The following GRM5 variants were observed in gnomAD, a reference collection of about 807,000 sequenced individuals.
GRM5 encodes the protein glutamate metabotropic receptor 5, also known as metabotropic glutamate receptor 5.
In GRM5, 19 loss-of-function variants were observed where a neutral mutation model predicts 83.1. That is an observed-to-expected ratio of 0.23 (90% CI 0.16 to 0.34). The LOEUF (loss-of-function observed/expected upper bound fraction) is 0.34, where lower values mean the gene tolerates loss of function less well. GRM5 is among the 10% of genes least tolerant of loss of function. GRM5 has a pLI of 1.00. For missense variants in GRM5, 1,160 were observed against 1,588.3 expected, an observed-to-expected ratio of 0.73 and a Z score of 4.58; for synonymous variants, 675 against 633.6, an observed-to-expected ratio of 1.07 and a Z score of -0.98.
intron 4 of GRM5, among the ~76,000 whole-genome samples, chr11:88,642,072 G>GA (rs1289788143): frequency 6.6e-6 from 1 of 152,122 alleles, no homozygotes; most frequent in Non-Finnish European, 1.5e-5. Flanking sequence ...TGGGCACCCA[G>GA]TTTGTCTCAT....
At chr11:88,593,770 C>CCCTCCT (rs1565352454) in intron 6 of GRM5, among the ~76,000 whole-genome samples, 5 of 93,972 alleles carry the variant, frequency 5.3e-5, no homozygotes, top group Non-Finnish European at 5.7e-5. Context: ...CCTTCTCTCT[C>CCCTCCT]TCTCTCTCTC....
At chr11:88,774,928 A>C (rs1330970202) in intron 3 of GRM5, among the ~76,000 whole-genome samples, 5 of 152,198 alleles carry the variant, frequency 3.3e-5, no homozygotes, top group Admixed American at 1.3e-4. Flanking sequence ...TGTCTCTGCC[A>C]GGCTTTGGTA....
chr11:88,644,107 C>T (rs189549503), intron 4 of GRM5, among the ~76,000 whole-genome samples: 5 of 152,264 alleles, frequency 3.3e-5, no homozygotes, highest in Admixed American at 3.3e-4. Flanking sequence ...TTAGTAAGCA[C>T]ATAATGGCCG....
intron 8 of GRM5, 124 bp from the exon 9 acceptor site, chr11:88,525,528 C>T (rs1941851782): frequency 1.5e-6 from 1 of 663,298 alleles, no homozygotes; most frequent in East Asian, 2.5e-5. Flanking sequence ...GTTCCTGCTT[C>T]TCAATGCAAT....
At chr11:88,543,736 AT>A (rs1013190226) in intron 8 of GRM5, among the ~76,000 whole-genome samples, 1 of 147,324 alleles carries the variant, frequency 6.8e-6, no homozygotes, top group Non-Finnish European at 1.5e-5. Flanking sequence ...TACTAACATT[AT>A]TTTTTATGAG....
intron 3 of GRM5, among the ~76,000 whole-genome samples, chr11:88,767,884 TGAGA>T (rs1942653797): frequency 6.6e-6 from 1 of 151,898 alleles, no homozygotes; most frequent in East Asian, 1.9e-4. Context: ...ATCAAAACTA[TGAGA>T]TACCACCTTA....
intron 2 of GRM5, among the ~76,000 whole-genome samples, chr11:89,014,453 T>TG (rs1940797490): frequency 6.6e-6 from 1 of 151,052 alleles, no homozygotes; most frequent in African/African-American, 2.5e-5. Context: ...AAGATAGGGC[T>TG]GTTTTTTTTG....
chr11:88,846,070 T>G (rs777632664), intron 3 of GRM5, among the ~76,000 whole-genome samples: 11 of 152,332 alleles, frequency 7.2e-5, no homozygotes, highest in Non-Finnish European at 8.8e-5. Flanking sequence ...CAAGTACTTT[T>G]GAAATTTAAG....
intron 4 of GRM5, among the ~76,000 whole-genome samples, chr11:88,640,912 A>G (rs536187939): frequency 2.6e-4 from 40 of 152,268 alleles, no homozygotes; most frequent in African/African-American, 9.1e-4. Flanking sequence ...TTAATTAGAC[A>G]TGACTGACAA....
intron 2 of GRM5, among the ~76,000 whole-genome samples, chr11:88,967,293 T>C (rs1312913353): frequency 1.4e-5 from 2 of 148,078 alleles, no homozygotes; most frequent in Non-Finnish European, 3.0e-5. Context: ...TTCTGAAGAG[T>C]ATTTCATCTA....
intron 2 of GRM5, among the ~76,000 whole-genome samples, chr11:88,986,937 C>G (rs977691132): frequency 1.3e-5 from 2 of 151,934 alleles, no homozygotes; most frequent in Non-Finnish European, 2.9e-5. Flanking sequence ...CCTGTAATCC[C>G]ATCACTTTGG....
At chr11:88,573,142 A>G (rs936712449) in intron 7 of GRM5, among the ~76,000 whole-genome samples, 2 of 152,152 alleles carry the variant, frequency 1.3e-5, no homozygotes, top group Non-Finnish European at 2.9e-5. Context: ...TGTATAATCC[A>G]TCTTTTCAAA....
At chr11:89,054,319 T>G (rs999268430) in intron 1 of GRM5, among the ~76,000 whole-genome samples, 1 of 152,110 alleles carries the variant, frequency 6.6e-6, no homozygotes, top group Non-Finnish European at 1.5e-5. Flanking sequence ...GACGCCAAGA[T>G]TTTCAGCCCG....
intron 8 of GRM5, among the ~76,000 whole-genome samples, chr11:88,559,257 C>A (rs1942702140): frequency 6.6e-6 from 1 of 152,058 alleles, no homozygotes. Flanking sequence ...ATGCAGGGAG[C>A]AGTTTTCAAG....
chr11:89,021,498 G>T (rs564107539), intron 2 of GRM5, among the ~76,000 whole-genome samples: 48 of 152,262 alleles, frequency 3.2e-4, no homozygotes, highest in African/African-American at 1.2e-3. Context: ...ATGTAAGGTT[G>T]CAGTATTCAT....
At chr11:88,584,359 T>C (rs570539961) in intron 7 of GRM5, among the ~76,000 whole-genome samples, 5 of 152,284 alleles carry the variant, frequency 3.3e-5, no homozygotes, top group African/African-American at 1.2e-4. Flanking sequence ...ATACAATATC[T>C]ACTCTTCACA....
At chr11:88,886,773 T>A (rs1402745151) in intron 2 of GRM5, among the ~76,000 whole-genome samples, 1 of 152,204 alleles carries the variant, frequency 6.6e-6, no homozygotes, top group East Asian at 1.9e-4. Context: ...GATCATCATA[T>A]CTATTTCATC....
chr11:88,821,475 C>A (rs1281385028), intron 3 of GRM5, among the ~76,000 whole-genome samples: 1 of 151,996 alleles, frequency 6.6e-6, no homozygotes, highest in African/African-American at 2.4e-5. Context: ...TTCGATGTCA[C>A]CTTCCTCCAT....
Position 88,509,392 on chromosome 11 carries a change from C to T in GRM5, c.2839G>A (p.Ala947Thr). 1 of 1,612,766 alleles carries T rather than the reference C, an allele frequency of 6.2e-7. No individual in the cohort carries two copies. Among genetic ancestry groups the T allele is most frequent in the Non-Finnish European group, 8.5e-7 (1 of 1,179,916 alleles). ...CTCTTGGGGAAGGGCTTGATGACGG[C>T]CGTTTGGTTGGGGTTTTCTTTCTTG... Reference protein sequence around the residue: ...INKKENPNQTAVIKPFPKSTE... With the variant: ...INKKENPNQTTVIKPFPKSTE... The change falls in exon 10 of 10, where the codon GCC becomes ACC. Residue 947 changes from alanine to threonine, a missense_variant. Physicochemically the swap from Ala to Thr is moderately conservative, Grantham distance 58. Coordinates refer to ENST00000305447, the MANE Select transcript of GRM5 (RefSeq NM_001143831.3).
Sources: gnomAD v4.1 joint callset for allele counts (sites outside exome capture counted in the v4.1 genomes callset) on GRCh38, gnomAD v4.1.1 for gene constraint, MANE v1.5 for transcripts, NCBI Gene and HGNC (gene_info 2026-07-23, HGNC 2026-07-21) for gene names.